Variants in KLK15 observed in about 807,000 individuals in gnomAD.
KLK15 encodes kallikrein related peptidase 15.
Under a neutral mutation model 21.1 loss-of-function variants are expected in KLK15, and 19 were observed. That is an observed-to-expected ratio of 0.90 (90% CI 0.63 to 1.32). The LOEUF is 1.32. Ranked by LOEUF, KLK15 falls within the 40% of genes most tolerant of loss-of-function variation. KLK15 has a pLI of 0.00. For missense variants in KLK15, 345 were observed against 348.6 expected, an observed-to-expected ratio of 0.99 and a Z score of 0.08; for synonymous variants, 141 against 141.5, an observed-to-expected ratio of 1.00 and a Z score of 0.03.
chr19:50,825,712 C>T (rs781155314), downstream of KLK15: 170 of 1,411,974 alleles, frequency 1.2e-4, no homozygotes, highest in Non-Finnish European at 1.6e-4. Flanking sequence ...GGGATGGCTC[C>T]GTTCTGTTCC....
chr19:50,827,835 A>T lies in KLK15; in HGVS notation c.44-20T>A, dbSNP rs532646620. On this transcript the variant is annotated intron_variant, in intron 1 of 4. Coordinates refer to ENST00000598239, the Ensembl canonical transcript of KLK15. ...GGGCTGCTAAGAGAAGGGGTAGAGG[A>T]TGCCTGAGGACAGGGACGTTTACAT... 33 of 1,609,468 alleles carry T rather than the reference A, an allele frequency of 2.1e-5. 1 individual carries two copies. The African/African-American group carries it at 4.0e-4, about 20-fold the overall frequency.
At chr19:50,826,447 A>C in intron 4 of KLK15, 174 bp downstream of exon 5, 1 of 671,768 alleles carries the variant, frequency 1.5e-6, no homozygotes, top group Non-Finnish European at 2.4e-6. Context: ...CGCAATCCCC[A>C]CCTATAACCC....
At chr19:50,827,105 T>A (rs1255661543) in exon 3 of KLK15, 1 of 1,604,778 alleles carries the variant, frequency 6.2e-7, no homozygotes, top group Non-Finnish European at 8.5e-7. Context: ...GGTCCGTAGT[T>A]GCTCTGGGCC....
upstream of KLK15, chr19:50,831,560 C>G (rs2089986243): frequency 7.9e-7 from 1 of 1,271,812 alleles, no homozygotes; most frequent in Admixed American, 3.7e-5. Context: ...TGAGGCAGGA[C>G]CCTTCTGCCT....
intron 2 of KLK15, 52 bp from the exon 4 acceptor site, chr19:50,827,213 C>A: frequency 6.6e-7 from 1 of 1,520,722 alleles, no homozygotes; most frequent in Non-Finnish European, 8.8e-7. Flanking sequence ...AGTGGTTACC[C>A]GCAAGTAGAG....
chr19:50,827,287 A>G (rs981416608), intron 2 of KLK15, 126 bp from the exon 4 acceptor site: 4 of 921,054 alleles, frequency 4.3e-6, no homozygotes, highest in Non-Finnish European at 6.4e-6. Flanking sequence ...TCGACATCCC[A>G]TTACCTTTTC....
chr19:50,830,525 T>G (rs1251693185), intron 1 of KLK15: 1 of 149,012 alleles, frequency 6.7e-6, no homozygotes, highest in African/African-American at 2.4e-5. Flanking sequence ...CAGAGGAAGG[T>G]GGAGGCCCCA....
chr19:50,826,999 G>C (rs200409036), exon 3 of KLK15: 1 of 1,606,140 alleles, frequency 6.2e-7, no homozygotes, highest in East Asian at 2.2e-5. Flanking sequence ...GGCGCACCTG[G>C]GGGTTCAGGC....
At chr19:50,826,624 A>G (rs761231273) in exon 4 of KLK15, 5 of 1,597,944 alleles carry the variant, frequency 3.1e-6, no homozygotes, top group Middle Eastern at 1.7e-4. Context: ...CTCTGACCTC[A>G]CAGGATTCTG....
chr19:50,832,227 G>A (rs1296507822), upstream of KLK15, among the ~76,000 whole-genome samples: 1 of 152,000 alleles, frequency 6.6e-6, no homozygotes, highest in African/African-American at 2.4e-5. Context: ...ATCTGGAGCT[G>A]GCTGTGCCCC....
In KLK15 at chr19:50,825,962, A is replaced by AG; in HGVS notation, c.619-15dup. On this transcript the variant is annotated splice_polypyrimidine_tract_variant and intron_variant, in intron 4 of 4. Transcript: ENST00000598239. ...CCCAGAGTCACCCTGTGGGGAAAAG[A>AG]GGGGGTCTCAGGTTGAGTGAAACCT... 1 of 1,607,316 alleles carries AG rather than the reference A, an allele frequency of 6.2e-7. No individual in the cohort carries two copies. The highest frequency in any genetic ancestry group is 8.5e-7 in the Non-Finnish European group (1 of 1,175,818).
At chr19:50,825,593 G>T (rs921205870), downstream of KLK15, 11 of 473,216 alleles carry the variant, frequency 2.3e-5, no homozygotes, top group African/African-American at 2.2e-4. Flanking sequence ...AGAGCAACTT[G>T]GATCAGCGCT....
exon 3 of KLK15, chr19:50,827,136 G>C (rs2089898275): frequency 1.9e-6 from 3 of 1,595,358 alleles, no homozygotes; most frequent in Non-Finnish European, 2.6e-6. Flanking sequence ...CGCAGGTTGT[G>C]CTCTCCCAGG....
chr19:50,826,531 G>T, intron 4 of KLK15, 90 bp downstream of exon 5: 1 of 1,435,900 alleles, frequency 7.0e-7, no homozygotes, highest in South Asian at 1.4e-5. Context: ...ATCTTCTCTG[G>T]CCCAAAGCAA....
upstream of KLK15, among the ~76,000 whole-genome samples, chr19:50,832,759 T>A (rs113475679): frequency 0.026 from 3,929 of 152,170 alleles, 129 homozygotes; most frequent in African/African-American, 0.068. Flanking sequence ...TCCCACCGCA[T>A]ATCCAACGCC....
Position 50,827,603 on chromosome 19 carries a change from C to T in KLK15, c.197+59G>A, listed in dbSNP as rs2739416. 152 of 1,556,842 alleles carry T rather than the reference C, an allele frequency of 9.8e-5. 5 individuals carry two copies. The South Asian group carries it at 1.6e-3, about 17-fold the overall frequency. The stretch of plus-strand genomic sequence containing the variant: ...CGTCTGCCTCCGTCTTCCCCCAAAT[C>T]TAGGAGCTCTTCCCCCCGAACCAGG... On this transcript the variant is annotated intron_variant, in intron 2 of 4. Coordinates refer to ENST00000598239, the Ensembl canonical transcript of KLK15.
At chr19:50,831,648 C>T (rs2089987417), upstream of KLK15, 4 of 497,184 alleles carry the variant, frequency 8.0e-6, no homozygotes, top group African/African-American at 2.0e-5. Context: ...ATCCCCTTCC[C>T]CCAACCCCAC....
exon 1 of KLK15, chr19:50,831,474 G>A: frequency 4.8e-6 from 7 of 1,450,670 alleles, no homozygotes; most frequent in Non-Finnish European, 6.3e-6. Context: ...AGGAAGGAGA[G>A]AGTGAGGAGA....
chr19:50,831,611 G>T, upstream of KLK15: 2 of 755,936 alleles, frequency 2.6e-6, no homozygotes, highest in Non-Finnish European at 3.9e-6. Context: ...CCCATCCACT[G>T]TTAATAAATT....
Sources: gnomAD v4.1 joint callset for allele counts (sites outside exome capture counted in the v4.1 genomes callset) on GRCh38, gnomAD v4.1.1 for gene constraint, MANE v1.5 for transcripts, NCBI Gene and HGNC (gene_info 2026-07-23, HGNC 2026-07-21) for gene names.